Variants in SPTLC2 observed in about 807,000 individuals in gnomAD.
The protein encoded by SPTLC2 is serine palmitoyltransferase 2.
In SPTLC2, 21 loss-of-function variants were observed where a neutral mutation model predicts 62.0. That is an observed-to-expected ratio of 0.34 (90% CI 0.24 to 0.49). The LOEUF (loss-of-function observed/expected upper bound fraction) is 0.49. Among genes scored for constraint, SPTLC2 ranks in the 20% least tolerant of loss-of-function variants. SPTLC2 has a pLI of 0.99. For synonymous variants in SPTLC2, 261 were observed against 261.8 expected (o/e 1.00, Z 0.03); for missense variants, 511 against 713.0 (o/e 0.72, Z 3.23).
At chr14:77,548,083 C>A (rs28737290) in intron 9 of SPTLC2, among the ~76,000 whole-genome samples, 1 of 151,920 alleles carries the variant, frequency 6.6e-6, no homozygotes, top group African/African-American at 2.4e-5. Context: ...TGCAAGGACC[C>A]AGTTCCTTTC....
intron 4 of SPTLC2, among the ~76,000 whole-genome samples, chr14:77,571,140 A>G (rs2100049155): frequency 6.6e-6 from 1 of 152,240 alleles, no homozygotes; most frequent in Admixed American, 6.5e-5. Context: ...TTGCAGAATC[A>G]TGAGCAAATA....
intron 9 of SPTLC2, among the ~76,000 whole-genome samples, chr14:77,543,642 C>G (rs1335432855): frequency 2.0e-5 from 3 of 151,942 alleles, no homozygotes; most frequent in Non-Finnish European, 4.4e-5. Context: ...ACAAGCAGCC[C>G]CCCCCAAAAA....
At chr14:77,573,697 G>A (rs949952093) in intron 4 of SPTLC2, among the ~76,000 whole-genome samples, 16 of 151,330 alleles carry the variant, frequency 1.1e-4, no homozygotes, top group East Asian at 1.9e-4. Flanking sequence ...GTGTGATCTC[G>A]GCTCACTGCA....
At chr14:77,522,582 G>A (rs915805936) in intron 9 of SPTLC2, among the ~76,000 whole-genome samples, 8 of 152,164 alleles carry the variant, frequency 5.3e-5, no homozygotes, top group East Asian at 1.9e-4. Context: ...ACACGTTTCT[G>A]TCTGCAATTG....
At chr14:77,534,521 T>C (rs938723804) in intron 9 of SPTLC2, among the ~76,000 whole-genome samples, 2 of 150,802 alleles carry the variant, frequency 1.3e-5, no homozygotes, top group African/African-American at 4.9e-5. Flanking sequence ...AACTTTATGA[T>C]ATAAAAAATT....
intron 9 of SPTLC2, among the ~76,000 whole-genome samples, chr14:77,525,203 T>C (rs950778846): frequency 6.6e-6 from 1 of 152,140 alleles, no homozygotes; most frequent in African/African-American, 2.4e-5. Context: ...GGAGGATCTC[T>C]TGAGTCAGGA....
intron 4 of SPTLC2, among the ~76,000 whole-genome samples, chr14:77,570,951 G>A (rs943534029): frequency 6.6e-6 from 1 of 152,132 alleles, no homozygotes; most frequent in African/African-American, 2.4e-5. Context: ...AGAGAAAGAC[G>A]TAAGGAGAGG....
chr14:77,569,247 C>T (rs1050721396), intron 5 of SPTLC2, among the ~76,000 whole-genome samples: 1 of 152,034 alleles, frequency 6.6e-6, no homozygotes, highest in Non-Finnish European at 1.5e-5. Context: ...ACCTCTGTGT[C>T]TTCATATTTA....
Position 77,555,362 on chromosome 14 carries a change from C to T in SPTLC2, c.1114G>A (p.Val372Ile). The stretch of plus-strand genomic sequence containing the variant: ...CTCTTTGTGAACGTTCCCATCATAA[C>T]ATCCACATCCTCGGGATCCAGGCCA... ...YFGLDPEDVD[V>I]MMGTFTKSFG... Residue 372 changes from valine to isoleucine, a missense_variant, in exon 8 of 12, where the codon GTT (valine) becomes ATT (isoleucine). Transcript: ENST00000216484. 1.2e-6 allele frequency: 2 copies of T among 1,614,170 alleles called. No homozygotes were observed. The highest frequency in any genetic ancestry group is 8.5e-7 in the Non-Finnish European group (1 of 1,180,034).
At position 77,601,993 on chromosome 14, in the gene SPTLC2, T is replaced by C. The variant is rs138502101; in HGVS notation, c.133-4613A>G. ...ACGTTCCTTTGGTGTCTGATCTCCA[T>C]GGGGACGCCTGCCTTGGTCATTCAC... On this transcript the variant is annotated intron_variant, in intron 1 of 11. Transcript: ENST00000216484. Among the ~76,000 whole-genome samples the C allele has an allele frequency of 4.8e-3, 733 of 152,300 alleles. 7 individuals carry two copies. The highest frequency in any genetic ancestry group is 0.017 in the African/African-American group (692 of 41,568).
At chr14:77,562,040 T>C (rs1171243541) in intron 6 of SPTLC2, among the ~76,000 whole-genome samples, 1 of 152,242 alleles carries the variant, frequency 6.6e-6, no homozygotes, top group Non-Finnish European at 1.5e-5. Context: ...AAGGACTGGC[T>C]TATCTATTAA....
In SPTLC2 at chr14:77,510,308, T is replaced by TGA; in HGVS notation, c.*1975_*1976insTC. The TGA allele has an allele frequency of 5.3e-6, 1 of 188,182 alleles. No individual in the cohort carries two copies. The highest frequency in any genetic ancestry group is 1.1e-5 in the Non-Finnish European group (1 of 92,472). 11.7% of individuals were successfully genotyped at this position (188,182 alleles called of 1,614,324 possible). Reference sequence around the variant, plus strand: ...GCTGACAGTGACTAAACATAACTCATACTCAAGACATTAAAAACAAAACTT... The same window carrying TGA: ...GCTGACAGTGACTAAACATAACTCATGAACTCAAGACATTAAAAACAAAACTT... On this transcript the variant is annotated 3_prime_UTR_variant, in exon 12 of 12. Transcript: ENST00000216484.
chr14:77,535,382 C>T (rs923093217), intron 9 of SPTLC2, among the ~76,000 whole-genome samples: 4 of 152,048 alleles, frequency 2.6e-5, no homozygotes, highest in African/African-American at 9.7e-5. Context: ...TGACTTTAGG[C>T]GGGATGAGAA....
intron 3 of SPTLC2, among the ~76,000 whole-genome samples, chr14:77,578,515 G>A (rs754272240): frequency 6.6e-6 from 1 of 151,946 alleles, no homozygotes; most frequent in African/African-American, 2.4e-5. Context: ...TCAGGCATTC[G>A]AGACCAGCCT....
At position 77,604,916 on chromosome 14, in the gene SPTLC2, G is replaced by A. The variant is rs76851598; in HGVS notation, c.133-7536C>T. ...AAATGACAAAGTCATGCACACACAT[G>A]CTAATCTGGAAAGCTATAAATCAAA... On this transcript the variant is annotated intron_variant, in intron 1 of 11. Coordinates refer to ENST00000216484, the MANE Select transcript of SPTLC2 (RefSeq NM_004863.4). 9.6e-3 allele frequency among the ~76,000 whole-genome samples: 1,430 copies of A among 149,296 alleles called. 20 individuals are homozygous for A. Among genetic ancestry groups the A allele is most frequent in the African/African-American group, 0.034 (1,363 of 40,656 alleles).
chr14:77,606,017 A>G (rs115672824), intron 1 of SPTLC2, among the ~76,000 whole-genome samples: 3,657 of 152,324 alleles, frequency 0.024, 141 homozygotes, highest in African/African-American at 0.084. Flanking sequence ...AGGTCTTTAC[A>G]CACATTGTCT....
chr14:77,527,977 CTGT>C (rs2079417602), intron 9 of SPTLC2, among the ~76,000 whole-genome samples: 1 of 152,282 alleles, frequency 6.6e-6, no homozygotes, highest in African/African-American at 2.4e-5. Context: ...AATAACATTT[CTGT>C]TGTTAACTGA....
At chr14:77,589,462 A>G (rs948903785) in intron 2 of SPTLC2, among the ~76,000 whole-genome samples, 15 of 148,870 alleles carry the variant, frequency 1.0e-4, no homozygotes, top group Non-Finnish European at 2.1e-4. Flanking sequence ...CACCACTCAC[A>G]ATACCATTCA....
intron 1 of SPTLC2, among the ~76,000 whole-genome samples, chr14:77,608,379 A>G (rs1042850611): frequency 6.6e-6 from 1 of 152,244 alleles, no homozygotes; most frequent in African/African-American, 2.4e-5. Flanking sequence ...TATGTATGAA[A>G]TATGACACAG....
Sources: gnomAD v4.1 joint callset for allele counts (sites outside exome capture counted in the v4.1 genomes callset) on GRCh38, gnomAD v4.1.1 for gene constraint, MANE v1.5 for transcripts, NCBI Gene and HGNC (gene_info 2026-07-23, HGNC 2026-07-21) for gene names.